SORBS2: variants seen among roughly 807,000 people sequenced by gnomAD.
SORBS2 encodes the protein sorbin and SH3 domain-containing protein 2.
In SORBS2, 46 loss-of-function variants were observed where a neutral mutation model predicts 97.7. The observed-to-expected ratio is 0.47, with a 90% CI of 0.37 to 0.60. The LOEUF is 0.60. Ranked by LOEUF, SORBS2 falls within the 20% of genes least tolerant of loss-of-function variation. SORBS2 has a pLI of 0.00. For missense variants in SORBS2, 1,316 were observed against 1,282.3 expected, an observed-to-expected ratio of 1.03 and a Z score of -0.40; for synonymous variants, 476 against 473.4, an observed-to-expected ratio of 1.01 and a Z score of -0.07.
chr4:185,602,985 GAA>G (rs2096300818), intron 12 of SORBS2, among the ~76,000 whole-genome samples: 1 of 152,212 alleles, frequency 6.6e-6, no homozygotes, highest in Non-Finnish European at 1.5e-5. Flanking sequence ...GAGTTAGTCA[GAA>G]GTATCTCATG....
intron 1 of SORBS2, among the ~76,000 whole-genome samples, chr4:185,949,538 A>G (rs1462088831): frequency 1.3e-5 from 2 of 152,060 alleles, no homozygotes; most frequent in African/African-American, 4.8e-5. Flanking sequence ...CACACTTTGG[A>G]AGAGATTAGA....
intron 1 of SORBS2, among the ~76,000 whole-genome samples, chr4:185,932,309 G>C (rs891604668): frequency 2.6e-5 from 4 of 151,696 alleles, no homozygotes; most frequent in Non-Finnish European, 5.9e-5. Context: ...GGACAGTGGA[G>C]GGTAGAGAGT....
chr4:185,751,190 A>AAAAAAAAAAAAAG lies in SORBS2; in HGVS notation c.-198+24036_-198+24037insCTTTTTTTTTTTT. ...TAAATACTAAAAAAAAAAAAAAAAA[A>AAAAAAAAAAAAAG]AGAGAAAGAGAGAGAAATTCAGGAA... On this transcript the variant is annotated intron_variant, in intron 2 of 20. Transcript: ENST00000284776. 1.3e-3 allele frequency among the ~76,000 whole-genome samples: 111 copies of AAAAAAAAAAAAAG among 86,464 alleles called. 7 individuals are homozygous for AAAAAAAAAAAAAG. The highest frequency in any genetic ancestry group is 2.2e-3 in the Non-Finnish European group (89 of 39,670). The allele number at this position is 86,464 out of a possible 152,430, so 56.7% of individuals were successfully genotyped here.
chr4:185,640,638 G>A (rs561294621), intron 4 of SORBS2, among the ~76,000 whole-genome samples: 1 of 152,146 alleles, frequency 6.6e-6, no homozygotes, highest in African/African-American at 2.4e-5. Context: ...ATTTATATTT[G>A]ATTCAATAGT....
At chr4:185,852,651 T>A (rs966569691) in intron 1 of SORBS2, among the ~76,000 whole-genome samples, 1 of 152,140 alleles carries the variant, frequency 6.6e-6, no homozygotes, top group Non-Finnish European at 1.5e-5. Context: ...TCAGATGGAA[T>A]TTGTGGGCTG....
At chr4:185,677,511 T>A in intron 4 of SORBS2, 1 of 1,551,552 alleles carries the variant, frequency 6.4e-7, no homozygotes. Flanking sequence ...AGGTTTTTTG[T>A]TAGCAAAGTA....
chr4:185,611,780 C>G, exon 12 of SORBS2: 1 of 1,612,972 alleles, frequency 6.2e-7, no homozygotes, highest in Non-Finnish European at 8.5e-7. Flanking sequence ...ATGTTCTTAC[C>G]TTATTTGAGC....
intron 1 of SORBS2, among the ~76,000 whole-genome samples, chr4:185,952,583 G>A (rs2198625): frequency 0.9 from 136,999 of 152,254 alleles, 61,681 homozygotes; most frequent in East Asian, 0.95. Flanking sequence ...GGCATGCAGT[G>A]CAGTTCCCTT....
intron 2 of SORBS2, among the ~76,000 whole-genome samples, chr4:185,718,829 T>A (rs953134399): frequency 3.3e-5 from 5 of 152,204 alleles, no homozygotes; most frequent in African/African-American, 1.2e-4. Flanking sequence ...TCAGGTTATG[T>A]TCCCTTAATC....
At chr4:185,659,205 T>C (rs2097466463), upstream of SORBS2, among the ~76,000 whole-genome samples, 1 of 152,210 alleles carries the variant, frequency 6.6e-6, no homozygotes, top group African/African-American at 2.4e-5. Context: ...AAAACTGCTT[T>C]ATGTGCAGTT....
At chr4:185,887,741 C>T (rs12640736) in intron 1 of SORBS2, among the ~76,000 whole-genome samples, 40,743 of 151,980 alleles carry the variant, frequency 0.27, 5,741 homozygotes, top group East Asian at 0.54. Context: ...AACTATTCTT[C>T]AATTATTTGT....
intron 2 of SORBS2, among the ~76,000 whole-genome samples, chr4:185,739,145 A>G (rs2098706939): frequency 6.6e-6 from 1 of 152,260 alleles, no homozygotes; most frequent in Non-Finnish European, 1.5e-5. Flanking sequence ...GCATAGGCAC[A>G]TAGGAACACT....
intron 1 of SORBS2, among the ~76,000 whole-genome samples, chr4:185,804,388 C>A (rs368180849): frequency 6.6e-6 from 1 of 152,208 alleles, no homozygotes; most frequent in African/African-American, 2.4e-5. Flanking sequence ...ACTGCTCTCT[C>A]GTGGAGGTCA....
intron 2 of SORBS2, among the ~76,000 whole-genome samples, chr4:185,769,329 T>C (rs1434088136): frequency 6.6e-6 from 1 of 152,188 alleles, no homozygotes; most frequent in East Asian, 1.9e-4. Flanking sequence ...GAAGTTTGTG[T>C]ACACTGAACC....
At chr4:185,662,132 G>C in exon 5 of SORBS2, 1 of 1,614,188 alleles carries the variant, frequency 6.2e-7, no homozygotes, top group South Asian at 1.1e-5. Context: ...GCATGACAAT[G>C]CTGGAGTTGA....
rs1226457462 is a variant in SORBS2 at position 185,618,638 on chromosome 4, AG to A, written c.2305-8del. 1 of 1,533,004 alleles carries A rather than the reference AG, an allele frequency of 6.5e-7. No homozygotes were observed. Among genetic ancestry groups the A allele is most frequent in the Non-Finnish European group, 8.9e-7 (1 of 1,125,174 alleles). The allele number at this position is 1,533,004 out of a possible 1,614,324, so 95.0% of individuals were successfully genotyped here. ...CAGCTTTTGCAGGCAATTTCTGAAA[AG>A]GAAGATAAACAATTAGCACTAATTT... On this transcript the variant is annotated splice_polypyrimidine_tract_variant and splice_region_variant and intron_variant, in intron 8 of 14. Coordinates refer to ENST00000418609, the Ensembl canonical transcript of SORBS2.
At chr4:185,932,052 AGTGT>A (rs1360507373) in intron 1 of SORBS2, among the ~76,000 whole-genome samples, 1 of 151,508 alleles carries the variant, frequency 6.6e-6, no homozygotes, top group African/African-American at 2.4e-5. Context: ...ATATATATTT[AGTGT>A]GTGTGTTTAT....
intron 4 of SORBS2, among the ~76,000 whole-genome samples, chr4:185,636,405 G>A (rs2097002920): frequency 6.6e-6 from 1 of 152,006 alleles, no homozygotes; most frequent in African/African-American, 2.4e-5. Context: ...CAGTTTAATG[G>A]ACAAAAGAGA....
At chr4:185,945,800 TG>T (rs1172598687) in intron 1 of SORBS2, among the ~76,000 whole-genome samples, 1 of 152,120 alleles carries the variant, frequency 6.6e-6, no homozygotes, top group Non-Finnish European at 1.5e-5. Flanking sequence ...AGATGTGCCA[TG>T]TGCCCGGAAA....
Sources: allele counts gnomAD v4.1 joint callset (sites outside exome capture counted in the v4.1 genomes callset), GRCh38; gene constraint gnomAD v4.1.1; transcripts MANE v1.5; gene names NCBI Gene and HGNC (gene_info 2026-07-23, HGNC 2026-07-21).